AFG2A: variants seen among roughly 807,000 people sequenced by gnomAD.
The protein encoded by AFG2A is ATPase family gene 2 protein homolog A.
the AFG2A span, among the ~76,000 whole-genome samples, chr4:123,225,895 G>A: frequency 2.0e-5 from 3 of 152,130 alleles, no homozygotes; most frequent in Admixed American, 1.3e-4. Context: ...ATTGAGCAGT[G>A]GTTTGTAGTT....
chr4:123,266,812 C>G, the AFG2A span, among the ~76,000 whole-genome samples: 1 of 151,664 alleles, frequency 6.6e-6, no homozygotes, highest in Admixed American at 6.6e-5. Flanking sequence ...ATAGCTTATT[C>G]CTAACTTTTT....
chr4:122,944,183 G>T, the AFG2A span, among the ~76,000 whole-genome samples: 1 of 152,176 alleles, frequency 6.6e-6, no homozygotes, highest in South Asian at 2.1e-4. Context: ...ATGTTGGCCT[G>T]CCTCGCTAGA....
the AFG2A span, among the ~76,000 whole-genome samples, chr4:123,083,591 CAG>C: frequency 7.1e-6 from 1 of 140,486 alleles, no homozygotes; most frequent in African/African-American, 2.7e-5. Context: ...TTTTAAGAGA[CAG>C]GGTCTCACTC....
At chr4:123,313,754 T>C in the AFG2A span, 1 of 757,946 alleles carries the variant, frequency 1.3e-6, no homozygotes, top group Non-Finnish European at 2.0e-6. Flanking sequence ...GTGGACTAAT[T>C]CTTGCAGATA....
chr4:123,129,057 A>G, the AFG2A span, among the ~76,000 whole-genome samples: 3 of 152,212 alleles, frequency 2.0e-5, no homozygotes, highest in Non-Finnish European at 4.4e-5. Flanking sequence ...AATATGTGGG[A>G]CATTATCCTT....
At chr4:123,176,377 C>G in the AFG2A span, among the ~76,000 whole-genome samples, 1 of 152,084 alleles carries the variant, frequency 6.6e-6, no homozygotes, top group South Asian at 2.1e-4. Flanking sequence ...TAATACAATA[C>G]CAGAGCAGCT....
chr4:123,004,409 C>T, the AFG2A span, among the ~76,000 whole-genome samples: 1 of 152,234 alleles, frequency 6.6e-6, no homozygotes, highest in African/African-American at 2.4e-5. Context: ...GTTGCTCACG[C>T]TGGGAGCTGT....
the AFG2A span, among the ~76,000 whole-genome samples, chr4:123,181,368 T>G: frequency 6.6e-6 from 1 of 152,062 alleles, no homozygotes; most frequent in Non-Finnish European, 1.5e-5. Context: ...GTTCCGGCAC[T>G]TTGGGAGGCA....
At chr4:123,129,661 A>G in the AFG2A span, among the ~76,000 whole-genome samples, 2 of 151,898 alleles carry the variant, frequency 1.3e-5, no homozygotes, top group Non-Finnish European at 2.9e-5. Context: ...ACTCCTTTAC[A>G]TATTTATTCT....
chr4:122,970,359 A>G, the AFG2A span, among the ~76,000 whole-genome samples: 3 of 152,108 alleles, frequency 2.0e-5, no homozygotes, highest in South Asian at 4.1e-4. Context: ...CTAGATTTTC[A>G]TAAGTAGACT....
chr4:123,008,389 T>C, the AFG2A span, among the ~76,000 whole-genome samples: 3 of 152,178 alleles, frequency 2.0e-5, no homozygotes, highest in Non-Finnish European at 2.9e-5. Flanking sequence ...ACCTCCAATA[T>C]TGGGGATCAA....
chr4:122,935,450 G>A, the AFG2A span, among the ~76,000 whole-genome samples: 6 of 151,270 alleles, frequency 4.0e-5, no homozygotes, highest in South Asian at 2.1e-4. Flanking sequence ...GGGATGGGGC[G>A]TTGCAACAAT....
At chr4:123,312,498 C>T in the AFG2A span, among the ~76,000 whole-genome samples, 1 of 152,136 alleles carries the variant, frequency 6.6e-6, no homozygotes, top group South Asian at 2.1e-4. Flanking sequence ...CTCCAAGGTC[C>T]CCTTAGAACA....
chr4:123,045,812 T>G, the AFG2A span, among the ~76,000 whole-genome samples: 78 of 152,246 alleles, frequency 5.1e-4, no homozygotes, highest in East Asian at 0.015. Context: ...ATATCCTGTT[T>G]TGGCCGGGCG....
chr4:123,228,516 T>C, the AFG2A span, among the ~76,000 whole-genome samples: 1 of 152,046 alleles, frequency 6.6e-6, no homozygotes, highest in African/African-American at 2.4e-5. Flanking sequence ...AAATGACATA[T>C]TTCAAGTGCT....
chr4:123,146,709 A>G, the AFG2A span, among the ~76,000 whole-genome samples: 2 of 152,206 alleles, frequency 1.3e-5, no homozygotes, highest in African/African-American at 2.4e-5. Flanking sequence ...TTGCAGCACC[A>G]TTGGAACCAT....
At chr4:122,980,884 T>C in the AFG2A span, among the ~76,000 whole-genome samples, 5 of 152,126 alleles carry the variant, frequency 3.3e-5, no homozygotes, top group Admixed American at 2.6e-4. Context: ...TCTTAATATA[T>C]ATTTTAGTAT....
At chr4:123,052,260 A>G in the AFG2A span, among the ~76,000 whole-genome samples, 37 of 151,860 alleles carry the variant, frequency 2.4e-4, no homozygotes, top group Non-Finnish European at 4.4e-4. Flanking sequence ...CATTTTGCTC[A>G]TTGTATTTTC....
chr4:123,075,193 C>T, the AFG2A span, among the ~76,000 whole-genome samples: 1 of 152,076 alleles, frequency 6.6e-6, no homozygotes, highest in Admixed American at 6.5e-5. Context: ...ATCCGCCCAC[C>T]TTAGCCTCCC....
Sources: allele counts gnomAD v4.1 joint callset (sites outside exome capture counted in the v4.1 genomes callset), GRCh38; gene constraint gnomAD v4.1.1; transcripts MANE v1.5; gene names NCBI Gene and HGNC (gene_info 2026-07-23, HGNC 2026-07-21).